Variants in FGF18 observed in about 807,000 individuals in gnomAD.
FGF18 encodes fibroblast growth factor 18.
In FGF18, 5 loss-of-function variants were observed where a neutral mutation model predicts 23.0. That is an observed-to-expected ratio of 0.22 (90% CI 0.11 to 0.46). The LOEUF is 0.46. Ranked by LOEUF, FGF18 falls within the 20% of genes least tolerant of loss-of-function variation. FGF18 has a pLI of 0.99. For missense variants in FGF18, 180 were observed against 291.6 expected (o/e 0.62, Z 2.79); for synonymous variants, 117 against 118.9 (o/e 0.98, Z 0.10).
At chr5:171,432,092 G>A (rs1219958656) in intron 2 of FGF18, among the ~76,000 whole-genome samples, 1 of 152,156 alleles carries the variant, frequency 6.6e-6, no homozygotes, top group African/African-American at 2.4e-5. Flanking sequence ...TCTTCAAACC[G>A]CAGCTTTTCA....
chr5:171,445,944 G>A (rs1772412555), intron 3 of FGF18, among the ~76,000 whole-genome samples: 1 of 152,158 alleles, frequency 6.6e-6, no homozygotes, highest in African/African-American at 2.4e-5. Flanking sequence ...GAGTGGATGC[G>A]TGATGCTGAG....
chr5:171,424,914 A>G (rs993069851), intron 2 of FGF18, among the ~76,000 whole-genome samples: 1 of 152,086 alleles, frequency 6.6e-6, no homozygotes, highest in Non-Finnish European at 1.5e-5. Context: ...TGGGAGTGTC[A>G]CCCGCTCTGA....
rs192423757 is a variant in FGF18, at chr5:171,434,679, A to G, written c.70-1414A>G. On this transcript the variant is annotated intron_variant, in intron 2 of 4. Coordinates refer to ENST00000274625, the MANE Select transcript of FGF18 (RefSeq NM_003862.3). This position sits in a 1 kb window ranked among gnomAD's most constrained non-coding sequence, Gnocchi z 4.6. Reference sequence around the variant, plus strand: ...GTAGGGGACCCTGCTCCAATGGTAAATGGCACAGCAGGACTCCAGGTCTTT... The same window carrying G: ...GTAGGGGACCCTGCTCCAATGGTAAGTGGCACAGCAGGACTCCAGGTCTTT... 2.0e-4 allele frequency among the ~76,000 whole-genome samples: 31 copies of G among 152,244 alleles called. No individual in the cohort carries two copies. In the South Asian group the frequency reaches 3.3e-3, roughly 16 times the overall value.
At chr5:171,432,917 C>T (rs1246695757) in intron 2 of FGF18, among the ~76,000 whole-genome samples, 3 of 152,230 alleles carry the variant, frequency 2.0e-5, no homozygotes, top group Admixed American at 6.5e-5. Flanking sequence ...AGGGATGAAC[C>T]AGTCACACTG....
Position 171,456,642 on chromosome 5 carries a change from C to T in FGF18, c.461C>T (p.Thr154Ile). Residue 154 changes from threonine to isoleucine, a missense_variant, in exon 5 of 5, where the codon ACC (threonine) becomes ATC (isoleucine). Coordinates refer to ENST00000274625, the MANE Select transcript of FGF18 (RefSeq NM_003862.3). The surrounding 1 kb of genome is among the most constrained non-coding windows in gnomAD (Gnocchi z 6.1). ...TACTCCGGCTGGTACGTGGGCTTCA[C>T]CAAGAAGGGGCGGCCGCGGAAGGGC... is the stretch of plus-strand genomic sequence containing the variant. ...AKYSGWYVGF[T>I]KKGRPRKGPK... The T allele has an allele frequency of 6.2e-7, 1 of 1,614,064 alleles. No homozygotes were observed. The highest frequency in any genetic ancestry group is 8.5e-7 in the Non-Finnish European group (1 of 1,180,004).
intron 2 of FGF18, among the ~76,000 whole-genome samples, chr5:171,433,825 C>T (rs993896881): frequency 6.6e-6 from 1 of 152,200 alleles, no homozygotes; most frequent in Non-Finnish European, 1.5e-5. Flanking sequence ...AGCATCTTCC[C>T]AGATATAAAT....
rs1329527744 is a variant in FGF18, at chr5:171,430,529, C to G, written c.70-5564C>G. ...GAGGGCCGGGCGCGGTGGCTCACGC[C>G]TGTAATCCCAGCACTTTGGGAGGCC... On this transcript the variant is annotated intron_variant, in intron 2 of 4. Coordinates refer to ENST00000274625, the MANE Select transcript of FGF18 (RefSeq NM_003862.3). Among the ~76,000 whole-genome samples the G allele has an allele frequency of 2.0e-5, 3 of 150,988 alleles. No homozygotes were observed. In the East Asian group the frequency reaches 5.8e-4, roughly 29 times the overall value.
chr5:171,434,489 G>A lies in FGF18; in HGVS notation c.70-1604G>A, dbSNP rs1480215962. Among the ~76,000 whole-genome samples, 1 of 152,186 alleles carries A rather than the reference G, an allele frequency of 6.6e-6. No individual in the cohort carries two copies. Among genetic ancestry groups the A allele is most frequent in the Non-Finnish European group, 1.5e-5 (1 of 68,018 alleles). ...CCAGGGTCCCAAGAGCTCTGCCATG[G>A]GCTGAGTGGGGGCGTGCCAGCGTGG... is the stretch of plus-strand genomic sequence containing the variant. On this transcript the variant is annotated intron_variant, in intron 2 of 4. Transcript: ENST00000274625. This position sits in a 1 kb window ranked among gnomAD's most constrained non-coding sequence, Gnocchi z 4.6.
At chr5:171,420,905 C>T (rs868359024) in intron 2 of FGF18, among the ~76,000 whole-genome samples, 1 of 152,230 alleles carries the variant, frequency 6.6e-6, no homozygotes, top group African/African-American at 2.4e-5. Context: ...GTTTTGAAGG[C>T]GCTTGCAGCA....
Position 171,436,022 on chromosome 5 carries a change from C to T in FGF18, c.70-71C>T, listed in dbSNP as rs1034338955. The T allele has an allele frequency of 6.9e-5, 88 of 1,282,718 alleles. No homozygotes were observed. The highest frequency in any genetic ancestry group is 8.0e-5 in the Non-Finnish European group (78 of 973,196). 79.5% of individuals were successfully genotyped at this position (1,282,718 alleles called of 1,614,324 possible). A position where few individuals can be genotyped will look rare whatever the true frequency, so the allele number is the denominator to read the frequency against. On this transcript the variant is annotated intron_variant, in intron 2 of 4. Transcript: ENST00000274625. The surrounding 1 kb of genome is among the most constrained non-coding windows in gnomAD (Gnocchi z 4.4). ...AGAAGCCCTTGGTCTTTGTGGTGGA[C>T]GTGGCTGGCTCCTGCATGCAGTGGG...
At chr5:171,453,699 A>G (rs1462261033) in intron 4 of FGF18, among the ~76,000 whole-genome samples, 2 of 152,178 alleles carry the variant, frequency 1.3e-5, no homozygotes, top group African/African-American at 4.8e-5. Context: ...GGAAGTAGCA[A>G]TGTTTGGCCT....
Position 171,420,392 on chromosome 5 carries a change from A to G in FGF18, c.33-15A>G. The G allele has an allele frequency of 1.2e-6, 2 of 1,612,894 alleles. No homozygotes were observed. Among genetic ancestry groups the G allele is most frequent in the Admixed American group, 1.7e-5 (1 of 59,878 alleles). Reference sequence around the variant, plus strand: ...CTCAGGTCCCACTGACCGCTTCTCCATCTGTTTCCCGCAGGTGTTTACACT... The same window carrying G: ...CTCAGGTCCCACTGACCGCTTCTCCGTCTGTTTCCCGCAGGTGTTTACACT... On this transcript the variant is annotated splice_polypyrimidine_tract_variant and intron_variant, in intron 1 of 4. Transcript: ENST00000274625.
At chr5:171,424,036 A>G (rs1336727444) in intron 2 of FGF18, among the ~76,000 whole-genome samples, 1 of 152,246 alleles carries the variant, frequency 6.6e-6, no homozygotes, top group East Asian at 1.9e-4. Context: ...AAGTGCTGGG[A>G]TTACAGGTGT....
intron 2 of FGF18, among the ~76,000 whole-genome samples, chr5:171,435,217 C>T (rs1772229781): frequency 6.6e-6 from 1 of 152,078 alleles, no homozygotes; most frequent in South Asian, 2.1e-4. Context: ...TTGGAGGAAT[C>T]CTTCACTGAA....
chr5:171,448,284 C>T (rs1581278755), intron 3 of FGF18, among the ~76,000 whole-genome samples: 1 of 152,218 alleles, frequency 6.6e-6, no homozygotes, highest in East Asian at 1.9e-4. Flanking sequence ...TTTCTGGGCT[C>T]CTGGGAGTTA....
intron 2 of FGF18, among the ~76,000 whole-genome samples, chr5:171,422,171 T>TA (rs1447153342): frequency 1.3e-5 from 2 of 152,038 alleles, no homozygotes; most frequent in Non-Finnish European, 2.9e-5. Context: ...TGTGTGGTCT[T>TA]TGTGTTCTCC....
intron 3 of FGF18, among the ~76,000 whole-genome samples, chr5:171,448,544 C>T (rs1298792812): frequency 6.6e-6 from 1 of 152,118 alleles, no homozygotes; most frequent in Non-Finnish European, 1.5e-5. Flanking sequence ...GCATCTGTAT[C>T]TATCTGTCCC....
intron 2 of FGF18, among the ~76,000 whole-genome samples, chr5:171,421,382 C>T (rs1341847895): frequency 6.6e-6 from 1 of 152,172 alleles, no homozygotes; most frequent in Non-Finnish European, 1.5e-5. Context: ...CCCCAAGCCC[C>T]CACCCACCTA....
At chr5:171,455,797 G>A (rs1314178954) in intron 4 of FGF18, among the ~76,000 whole-genome samples, 1 of 152,220 alleles carries the variant, frequency 6.6e-6, no homozygotes, top group South Asian at 2.1e-4. Context: ...AATCACTGAA[G>A]CCACAGGGAA....
Sources: gnomAD v4.1 joint callset for allele counts (sites outside exome capture counted in the v4.1 genomes callset) on GRCh38, gnomAD v4.1.1 for gene constraint, Gnocchi (gnomAD v3.1) non-coding constraint, MANE v1.5 for transcripts, NCBI Gene and HGNC (gene_info 2026-07-23, HGNC 2026-07-21) for gene names.